GMNN: variants seen among roughly 807,000 people sequenced by gnomAD.
GMNN encodes the protein geminin.
GMNN carries 14 observed loss-of-function variants against 20.9 expected under a neutral mutation model. The observed-to-expected ratio is 0.67, with a 90% confidence interval of 0.44 to 1.05. The LOEUF is 1.05. Among genes scored for constraint, GMNN ranks in the 50% least tolerant of loss-of-function variants. GMNN has a pLI of 0.00. For missense variants in GMNN, 227 were observed against 243.8 expected, an observed-to-expected ratio of 0.93 and a Z score of 0.46; for synonymous variants, 81 against 85.8, an observed-to-expected ratio of 0.94 and a Z score of 0.31.
chr6:24,776,328 C>T (rs1039534502), intron 1 of GMNN, among the ~76,000 whole-genome samples: 1 of 152,122 alleles, frequency 6.6e-6, no homozygotes, highest in Non-Finnish European at 1.5e-5. Flanking sequence ...GAACTTCTGA[C>T]CTCAGGTGAT....
intron 3 of GMNN, among the ~76,000 whole-genome samples, chr6:24,781,220 A>ATAAAAC (rs1450786322): frequency 1.3e-5 from 2 of 150,340 alleles, no homozygotes; most frequent in African/African-American, 5.0e-5. Context: ...AAAAATAAAA[A>ATAAAAC]ATTTTTTAAA....
At chr6:24,784,788 T>A (rs2113585068) in intron 6 of GMNN, among the ~76,000 whole-genome samples, 1 of 152,258 alleles carries the variant, frequency 6.6e-6, no homozygotes, top group East Asian at 1.9e-4. Context: ...ATAGACTTGT[T>A]ATGAGAATTA....
intron 6 of GMNN, among the ~76,000 whole-genome samples, chr6:24,784,883 G>T (rs1780308301): frequency 6.6e-6 from 1 of 152,094 alleles, no homozygotes; most frequent in Admixed American, 6.5e-5. Flanking sequence ...TGAAGCAAAA[G>T]ACCATATTTT....
At chr6:24,784,362 C>A in intron 5 of GMNN, 82 bp from the exon 6 acceptor site, 1 of 741,958 alleles carries the variant, frequency 1.3e-6, no homozygotes, top group Non-Finnish European at 2.4e-6. Context: ...GCATGTCCTC[C>A]ATGTTATATA....
In GMNN at chr6:24,783,735, G is replaced by C. The variant is rs115209524; in HGVS notation, c.275-352G>C. On this transcript the variant is annotated intron_variant, in intron 4 of 6. Coordinates refer to ENST00000230056, the MANE Select transcript of GMNN (RefSeq NM_015895.5). ...TGTTTAGTTTGAATCTAATCATGGA[G>C]ACAGAAATAAAAAATTAAGGACAGT... is the stretch of plus-strand genomic sequence containing the variant. 6.3e-3 allele frequency among the ~76,000 whole-genome samples: 960 copies of C among 152,078 alleles called. 6 individuals are homozygous for C. Among genetic ancestry groups the C allele is most frequent in the African/African-American group, 0.021 (889 of 41,496 alleles).
chr6:24,777,434 A>C, intron 2 of GMNN, 137 bp downstream of exon 2: 1 of 423,990 alleles, frequency 2.4e-6, no homozygotes, highest in Non-Finnish European at 4.2e-6. Context: ...AACAATAGAG[A>C]ACATTTTTAA....
At chr6:24,784,362 C>T in intron 5 of GMNN, 82 bp from the exon 6 acceptor site, 1 of 741,958 alleles carries the variant, frequency 1.3e-6, no homozygotes, top group Non-Finnish European at 2.4e-6. Flanking sequence ...GCATGTCCTC[C>T]ATGTTATATA....
At chr6:24,776,255 G>A (rs763992536) in intron 1 of GMNN, among the ~76,000 whole-genome samples, 6 of 152,016 alleles carry the variant, frequency 3.9e-5, no homozygotes, top group Non-Finnish European at 7.4e-5. Flanking sequence ...GCACCACCAC[G>A]TCCGGCTAAT....
chr6:24,783,649 C>T (rs917624125), intron 4 of GMNN, among the ~76,000 whole-genome samples: 9 of 152,072 alleles, frequency 5.9e-5, no homozygotes, highest in Admixed American at 3.9e-4. Flanking sequence ...TGATGATATA[C>T]TGAGGATACA....
chr6:24,777,152 A>C (rs1780093945), intron 1 of GMNN, 70 bp from the exon 2 acceptor site: 1 of 538,476 alleles, frequency 1.9e-6, no homozygotes, highest in South Asian at 3.0e-5. Flanking sequence ...TATAATTTTT[A>C]TGATTGTAAG....
At chr6:24,781,906 A>T (rs188502684) in intron 4 of GMNN, among the ~76,000 whole-genome samples, 7 of 152,230 alleles carry the variant, frequency 4.6e-5, no homozygotes, top group African/African-American at 1.7e-4. Context: ...TGGACAACAC[A>T]GTGAGGCTCT....
At chr6:24,781,120 C>T (rs1206227424) in intron 3 of GMNN, among the ~76,000 whole-genome samples, 1 of 152,072 alleles carries the variant, frequency 6.6e-6, no homozygotes, top group Non-Finnish European at 1.5e-5. Flanking sequence ...AGGAGAATCA[C>T]TTAAACCTGG....
At chr6:24,783,380 A>G (rs1780267214) in intron 4 of GMNN, among the ~76,000 whole-genome samples, 1 of 152,044 alleles carries the variant, frequency 6.6e-6, no homozygotes. Context: ...TACATAAGTG[A>G]AAAAAAATTG....
In GMNN at chr6:24,784,107, T is replaced by C; in HGVS notation, c.295T>C (p.Trp99Arg). 6.7e-7 allele frequency: 1 copy of C among 1,487,458 alleles called. No individual in the cohort carries two copies. The allele number at this position is 1,487,458 out of a possible 1,614,324, so 92.1% of individuals were successfully genotyped here. The change falls in exon 5 of 7, where the codon TGG becomes CGG. Residue 99 changes from tryptophan to arginine, a missense_variant. By Grantham distance (101) the Trp-to-Arg change is moderately radical. Coordinates refer to ENST00000230056, the MANE Select transcript of GMNN (RefSeq NM_015895.5). ...MIKENPSSQYWKEVAEKRRKA... is the reference protein window; with the variant it reads ...MIKENPSSQYRKEVAEKRRKA... The stretch of plus-strand genomic sequence containing the variant: ...TTTAGAAAATCCATCCTCTCAGTAT[T>C]GGAAGGAAGTGGCAGAAAAACGGAG...
intron 4 of GMNN, 91 bp from the exon 5 acceptor site, chr6:24,783,996 T>C (rs975691519): frequency 8.5e-6 from 5 of 589,760 alleles, no homozygotes; most frequent in Non-Finnish European, 1.5e-5. Context: ...CTAAACAATA[T>C]GGGGGTACTA....
chr6:24,785,695 T>G lies in GMNN; in HGVS notation c.526T>G (p.Ser176Ala), dbSNP rs1780335147. 6.4e-7 allele frequency: 1 copy of G among 1,563,894 alleles called. No homozygotes were observed. The highest frequency in any genetic ancestry group is 1.4e-5 in the African/African-American group (1 of 73,516). Residue 176 changes from serine (S) to alanine (A), a missense_variant, in exon 7 of 7, where the codon TCT becomes GCT. Transcript: ENST00000230056. ...FESLDNQEFD[S>A]EEETVEDSLV... ...ATCACTGGATAATCAGGAATTTGAT[T>G]CTGAAGAAGAAACTGTTGAGGATTC...
chr6:24,784,596 T>C, intron 6 of GMNN, 42 bp downstream of exon 6: 1 of 867,244 alleles, frequency 1.2e-6, no homozygotes, highest in Non-Finnish European at 2.0e-6. Flanking sequence ...TTATGTATTT[T>C]TCTATAAAGT....
chr6:24,782,836 TGTTGTTTGAAC>T (rs1354431629), intron 4 of GMNN, among the ~76,000 whole-genome samples: 1 of 152,084 alleles, frequency 6.6e-6, no homozygotes, highest in Non-Finnish European at 1.5e-5. Context: ...TTATTACATT[TGTTGTTTGAAC>T]TTTATTATAT....
At chr6:24,777,836 TATTTC>T (rs1406979904) in intron 2 of GMNN, 1 of 152,216 alleles carries the variant, frequency 6.6e-6, no homozygotes, top group Non-Finnish European at 1.5e-5. Flanking sequence ...TCTACTCTTA[TATTTC>T]ATGAAATGTT....
Sources: gnomAD v4.1 joint callset for allele counts (sites outside exome capture counted in the v4.1 genomes callset) on GRCh38, gnomAD v4.1.1 for gene constraint, MANE v1.5 for transcripts, NCBI Gene and HGNC (gene_info 2026-07-23, HGNC 2026-07-21) for gene names.